The following TDRD10 variants were observed in gnomAD, a reference collection of about 807,000 sequenced individuals.
TDRD10 encodes the protein tudor domain containing 10, also known as tudor domain-containing protein 10.
TDRD10 carries 40 observed loss-of-function variants against 48.0 expected under a neutral mutation model. The observed-to-expected ratio is 0.83, with a 90% CI of 0.65 to 1.09. The LOEUF (loss-of-function observed/expected upper bound fraction) is 1.09, where lower values mean the gene tolerates loss of function less well. Among genes scored for constraint, TDRD10 ranks in the 50% least tolerant of loss-of-function variants. The probability of loss-of-function intolerance (pLI) is 0.00; values close to 1 mark genes in which losing one functional copy is unlikely to be tolerated. For missense variants in TDRD10, 378 were observed against 434.7 expected (o/e 0.87, Z 1.16); for synonymous variants, 162 against 170.4 (o/e 0.95, Z 0.38).
chr1:154,538,558 A>G (rs1026288541), intron 6 of TDRD10, among the ~76,000 whole-genome samples: 1 of 147,046 alleles, frequency 6.8e-6, no homozygotes, highest in African/African-American at 2.5e-5. Context: ...CTCAAAAAAA[A>G]AAAAAAAAAA....
intron 4 of TDRD10, among the ~76,000 whole-genome samples, chr1:154,515,732 G>A (rs964575021): frequency 1.3e-5 from 2 of 151,888 alleles, no homozygotes; most frequent in Admixed American, 6.6e-5. Flanking sequence ...TTTATTTTTT[G>A]AGATGGAATT....
intron 5 of TDRD10, 60 bp from the exon 6 acceptor site, chr1:154,521,263 G>A: frequency 6.3e-7 from 1 of 1,577,436 alleles, no homozygotes; most frequent in Admixed American, 1.7e-5. Flanking sequence ...GTGCCTCCCT[G>A]CAGCTCTGGG....
At chr1:154,508,924 G>C (rs1276273084) in intron 4 of TDRD10, among the ~76,000 whole-genome samples, 1 of 152,148 alleles carries the variant, frequency 6.6e-6, no homozygotes, top group East Asian at 1.9e-4. Context: ...TAGAATGTAA[G>C]CAATCGTATT....
chr1:154,544,788 C>A lies in TDRD10; in HGVS notation c.798-7C>A. The A allele has an allele frequency of 6.2e-7, 1 of 1,613,428 alleles. No individual in the cohort carries two copies. The highest frequency in any genetic ancestry group is 1.1e-5 in the South Asian group (1 of 90,994). On this transcript the variant is annotated splice_polypyrimidine_tract_variant and splice_region_variant and intron_variant, in intron 10 of 12. Transcript: ENST00000368482. Reference sequence around the variant, plus strand: ...TTGTCCTCTGTCTTTCTCTTTTCCTCTGCCAGGTGTTGGGTGCTGGACAGG... The same window carrying A: ...TTGTCCTCTGTCTTTCTCTTTTCCTATGCCAGGTGTTGGGTGCTGGACAGG...
chr1:154,531,366 C>T (rs549511834), intron 6 of TDRD10, among the ~76,000 whole-genome samples: 32 of 152,232 alleles, frequency 2.1e-4, no homozygotes, highest in African/African-American at 7.2e-4. Flanking sequence ...CGGACCCTTG[C>T]GGTAAGTATT....
chr1:154,541,754 C>T (rs1695244868), intron 6 of TDRD10, among the ~76,000 whole-genome samples: 1 of 152,180 alleles, frequency 6.6e-6, no homozygotes, highest in Non-Finnish European at 1.5e-5. Context: ...CTGGGCAGCT[C>T]ATTCTGTGAC....
chr1:154,514,627 G>C (rs1378678176), intron 4 of TDRD10, among the ~76,000 whole-genome samples: 1 of 152,114 alleles, frequency 6.6e-6, no homozygotes, highest in East Asian at 1.9e-4. Flanking sequence ...TCGCACCCCG[G>C]CCAACCCACT....
intron 4 of TDRD10, among the ~76,000 whole-genome samples, chr1:154,508,754 T>C (rs1465469640): frequency 1.3e-5 from 2 of 152,204 alleles, no homozygotes; most frequent in African/African-American, 4.8e-5. Context: ...TCTTGTCATT[T>C]TGGGTTGAGG....
At chr1:154,506,814 C>A in intron 1 of TDRD10, 63 bp from the exon 2 acceptor site, 1 of 1,415,226 alleles carries the variant, frequency 7.1e-7, no homozygotes, top group Non-Finnish European at 1.0e-6. Context: ...AGTACCTATT[C>A]GGTGGTTATA....
At chr1:154,507,491 G>T (rs1038829882) in intron 3 of TDRD10, among the ~76,000 whole-genome samples, 171 bp downstream of exon 3, 7 of 152,018 alleles carry the variant, frequency 4.6e-5, no homozygotes, top group Non-Finnish European at 8.8e-5. Flanking sequence ...AGTGGATGTG[G>T]CGCCTGCCAC....
chr1:154,509,357 T>G (rs1346487398), intron 4 of TDRD10, among the ~76,000 whole-genome samples: 1 of 152,214 alleles, frequency 6.6e-6, no homozygotes, highest in Admixed American at 6.5e-5. Context: ...TACTATATTT[T>G]AACTGTCAGG....
chr1:154,532,837 C>T (rs1350410898), intron 6 of TDRD10, among the ~76,000 whole-genome samples: 1 of 152,198 alleles, frequency 6.6e-6, no homozygotes, highest in Admixed American at 6.5e-5. Context: ...AAGTCAGGCT[C>T]CCTACTCAGC....
intron 3 of TDRD10, 50 bp downstream of exon 3, chr1:154,507,370 T>G (rs1354169403): frequency 7.5e-6 from 12 of 1,601,856 alleles, no homozygotes; most frequent in Non-Finnish European, 1.0e-5. Flanking sequence ...ATCCTACAAC[T>G]TGGATTCCAG....
intron 6 of TDRD10, among the ~76,000 whole-genome samples, chr1:154,540,082 G>A (rs866115537): frequency 2.8e-4 from 42 of 152,198 alleles, no homozygotes; most frequent in African/African-American, 9.4e-4. Flanking sequence ...TTGTAAGCAC[G>A]ATGGGGAGAT....
intron 6 of TDRD10, among the ~76,000 whole-genome samples, chr1:154,531,704 G>T (rs748532687): frequency 6.6e-5 from 10 of 152,180 alleles, no homozygotes; most frequent in Non-Finnish European, 1.3e-4. Context: ...TGCGTAAGGG[G>T]ACCCGAGTGG....
intron 6 of TDRD10, among the ~76,000 whole-genome samples, chr1:154,540,730 C>T (rs576967620): frequency 6.6e-6 from 1 of 152,148 alleles, no homozygotes; most frequent in East Asian, 1.9e-4. Flanking sequence ...GTCCGTGGTA[C>T]ATTGTTGATA....
intron 6 of TDRD10, among the ~76,000 whole-genome samples, chr1:154,531,637 G>A (rs1013813671): frequency 9.9e-5 from 15 of 152,184 alleles, no homozygotes; most frequent in Admixed American, 7.2e-4. Context: ...GTGTGGACCC[G>A]AAGAGTGAGC....
At chr1:154,545,382 T>G (rs1368372455) in intron 11 of TDRD10, among the ~76,000 whole-genome samples, 2 of 152,218 alleles carry the variant, frequency 1.3e-5, no homozygotes, top group African/African-American at 4.8e-5. Context: ...TGCACTCTCC[T>G]AATGTGATTC....
chr1:154,531,006 T>G (rs994188156), intron 6 of TDRD10, among the ~76,000 whole-genome samples: 3 of 151,650 alleles, frequency 2.0e-5, no homozygotes, highest in African/African-American at 4.8e-5. Context: ...GCCCAACTAA[T>G]TTTTTTGTAT....
Sources: allele counts gnomAD v4.1 joint callset (sites outside exome capture counted in the v4.1 genomes callset), GRCh38; gene constraint gnomAD v4.1.1; transcripts MANE v1.5; gene names NCBI Gene and HGNC (gene_info 2026-07-23, HGNC 2026-07-21).